PRRG1: variants seen among roughly 807,000 people sequenced by gnomAD.
PRRG1 encodes transmembrane gamma-carboxyglutamic acid protein 1.
In PRRG1, 5 loss-of-function variants were observed where a neutral mutation model predicts 11.8. The observed-to-expected ratio is 0.42, with a 90% CI of 0.22 to 0.89. PRRG1 has a LOEUF of 0.89. PRRG1 is among the 40% of genes least tolerant of loss of function. The pLI, the probability that PRRG1 is intolerant of heterozygous loss-of-function variation, is 0.28. For missense variants in PRRG1, 155 were observed against 166.1 expected (o/e 0.93, Z 0.37); for synonymous variants, 66 against 60.4 (o/e 1.09, Z -0.43).
intron 1 of PRRG1, among the ~76,000 whole-genome samples, chrX:37,375,693 T>C (rs531529640): frequency 1.8e-5 from 2 of 111,418 alleles, no homozygotes; most frequent in South Asian, 7.6e-4. Context: ...TAGTTTCACC[T>C]GAGGGCAGGC....
chrX:37,366,544 A>T (rs1162525131), intron 1 of PRRG1, among the ~76,000 whole-genome samples: 3 of 112,026 alleles, frequency 2.7e-5, no homozygotes, highest in Non-Finnish European at 5.6e-5. Context: ...TGTGTAAGTA[A>T]TCAGTTGTCT....
In PRRG1 at chrX:37,456,455, T is replaced by C. The variant is rs1556398393; in HGVS notation, c.*2834T>C. 8.9e-6 allele frequency: 1 copy of C among 112,765 alleles called. No homozygotes were observed. Among genetic ancestry groups the C allele is most frequent in the African/African-American group, 3.2e-5 (1 of 31,035 alleles). The allele number at this position is 112,765 out of a possible 1,213,427, so 9.3% of individuals were successfully genotyped here. A position where few individuals can be genotyped will look rare whatever the true frequency, so the allele number is the denominator to read the frequency against. On this transcript the variant is annotated 3_prime_UTR_variant, in exon 4 of 4. Coordinates refer to ENST00000378628, the MANE Select transcript of PRRG1 (RefSeq NM_001142395.2). ...AAAGCCAAATGCTTAAACTGATCAA[T>C]GACTGTAGCTTTTTAGACTGTTGGT... is the stretch of plus-strand genomic sequence containing the variant.
intron 2 of PRRG1, among the ~76,000 whole-genome samples, chrX:37,423,345 A>T (rs1168431583): frequency 1.8e-5 from 2 of 110,197 alleles, no homozygotes; most frequent in Admixed American, 9.7e-5. Context: ...TAAAGAAAAT[A>T]TTTTTGTACA....
intron 1 of PRRG1, among the ~76,000 whole-genome samples, chrX:37,360,567 C>A (rs1930380240): frequency 9.0e-6 from 1 of 111,686 alleles, no homozygotes; most frequent in African/African-American, 3.3e-5. Context: ...GTTTTATGTC[C>A]CAGAATATGA....
chrX:37,404,403 A>G (rs1556381434), intron 1 of PRRG1, among the ~76,000 whole-genome samples: 1 of 112,006 alleles, frequency 8.9e-6, no homozygotes, highest in East Asian at 2.8e-4. Context: ...ATGTTGACAT[A>G]ATGATTATTT....
At position 37,396,081 on chromosome X, in the gene PRRG1, A is replaced by G. The variant is rs190849238; in HGVS notation, c.-41-10128A>G. Among the ~76,000 whole-genome samples the G allele has an allele frequency of 4.2e-3, 475 of 112,261 alleles. 2 individuals are homozygous for G. The highest frequency in any genetic ancestry group is 0.023 in the Middle Eastern group (5 of 219). On this transcript the variant is annotated intron_variant, in intron 1 of 3. Coordinates refer to ENST00000378628, the MANE Select transcript of PRRG1 (RefSeq NM_001142395.2). ...CTGTATATAGTTGTTTGACAGTTTT[A>G]GTGATGCTGGGCTCCTAATAATGTG...
chrX:37,364,015 T>A (rs1210712155), intron 1 of PRRG1, among the ~76,000 whole-genome samples: 1 of 111,541 alleles, frequency 9.0e-6, no homozygotes, highest in Non-Finnish European at 1.9e-5. Context: ...TCTCCTTTTT[T>A]TTCTCATTTT....
chrX:37,350,250 A>G (rs1235924550), intron 1 of PRRG1, among the ~76,000 whole-genome samples: 1 of 111,943 alleles, frequency 8.9e-6, no homozygotes, highest in Admixed American at 9.4e-5. Flanking sequence ...CTGTGCAAGT[A>G]TTTTCTACGA....
intron 1 of PRRG1, among the ~76,000 whole-genome samples, chrX:37,375,189 A>G (rs1044990339): frequency 1.8e-5 from 2 of 111,654 alleles, no homozygotes; most frequent in Non-Finnish European, 3.8e-5. Context: ...CTATGGTCCT[A>G]TGATTGGGTC....
intron 2 of PRRG1, among the ~76,000 whole-genome samples, chrX:37,411,121 AC>A (rs1403033856): frequency 8.9e-6 from 1 of 112,219 alleles, no homozygotes; most frequent in Non-Finnish European, 1.9e-5. Context: ...TGAGAAAAAA[AC>A]AAAAAAATAA....
intron 1 of PRRG1, among the ~76,000 whole-genome samples, chrX:37,401,707 A>C (rs1556380337): frequency 9.0e-6 from 1 of 111,286 alleles, no homozygotes; most frequent in East Asian, 2.8e-4. Context: ...CCCTGTTTGC[A>C]GATGACATGA....
At chrX:37,414,515 G>A (rs782538525) in intron 2 of PRRG1, among the ~76,000 whole-genome samples, 1 of 112,540 alleles carries the variant, frequency 8.9e-6, no homozygotes, top group African/African-American at 3.2e-5. Context: ...AATGTGTTCG[G>A]TGAAGCCACA....
chrX:37,361,406 G>A (rs1331848420), intron 1 of PRRG1, among the ~76,000 whole-genome samples: 2 of 111,147 alleles, frequency 1.8e-5, no homozygotes, highest in Admixed American at 9.5e-5. Flanking sequence ...AATTGGTATA[G>A]TTATTTTCAA....
At chrX:37,384,540 A>G (rs1052891918) in intron 1 of PRRG1, among the ~76,000 whole-genome samples, 1 of 111,445 alleles carries the variant, frequency 9.0e-6, no homozygotes. Context: ...TTTTATTTTG[A>G]TGACTGTTCT....
intron 2 of PRRG1, among the ~76,000 whole-genome samples, chrX:37,414,901 T>A (rs1357645315): frequency 8.9e-6 from 1 of 112,342 alleles, no homozygotes; most frequent in African/African-American, 3.2e-5. Flanking sequence ...TTTCATGGAT[T>A]TGAAGTATAT....
chrX:37,441,416 C>T, intron 3 of PRRG1: 7 of 754,835 alleles, frequency 9.3e-6, no homozygotes, highest in Non-Finnish European at 1.1e-5. Flanking sequence ...AGATAATGGA[C>T]CCAAATACCC....
chrX:37,413,591 T>C (rs1202801542), intron 2 of PRRG1, among the ~76,000 whole-genome samples: 1 of 111,673 alleles, frequency 9.0e-6, no homozygotes, highest in Non-Finnish European at 1.9e-5. Flanking sequence ...GGCTTTACTA[T>C]TTTACATTCC....
At chrX:37,442,095 C>G (rs933426774) in intron 3 of PRRG1, 6 of 763,987 alleles carry the variant, frequency 7.9e-6, no homozygotes, top group Non-Finnish European at 7.8e-6. Flanking sequence ...GCCCCACAGC[C>G]ACGGTGTGCC....
chrX:37,407,127 T>C (rs1932209056), intron 2 of PRRG1, among the ~76,000 whole-genome samples: 1 of 112,071 alleles, frequency 8.9e-6, no homozygotes, highest in Admixed American at 9.5e-5. Context: ...AAGGTATATT[T>C]AACATTCCAC....
Sources: gnomAD v4.1 joint callset for allele counts (sites outside exome capture counted in the v4.1 genomes callset) on GRCh38, gnomAD v4.1.1 for gene constraint, MANE v1.5 for transcripts, NCBI Gene and HGNC (gene_info 2026-07-23, HGNC 2026-07-21) for gene names.